SLFN5: variants seen among roughly 807,000 people sequenced by gnomAD.
SLFN5 encodes the protein schlafen family member 5.
In SLFN5, 34 loss-of-function variants were observed where a neutral mutation model predicts 48.5. That is an observed-to-expected ratio of 0.70 (90% CI 0.53 to 0.93). SLFN5 has a LOEUF of 0.93. SLFN5 is among the 40% of genes least tolerant of loss of function. SLFN5 has a pLI of 0.00. For missense variants in SLFN5, 1,006 were observed against 1,071.3 expected (o/e 0.94, Z 0.85); for synonymous variants, 387 against 396.2 (o/e 0.98, Z 0.28).
In SLFN5 at chr17:35,268,853, C is replaced by A. The variant is rs1904765924; in HGVS notation, c.*2965C>A. 2.0e-5 allele frequency: 3 copies of A among 152,278 alleles called. No homozygotes were observed. The highest frequency in any genetic ancestry group is 2.0e-4 in the Admixed American group (3 of 15,290). The allele number at this position is 152,278 out of a possible 1,614,324, so 9.4% of individuals were successfully genotyped here. On this transcript the variant is annotated 3_prime_UTR_variant, in exon 5 of 5. Coordinates refer to ENST00000299977, the MANE Select transcript of SLFN5 (RefSeq NM_144975.4). ...CCCTCTCTGAACTGCAGCCTAGAAA[C>A]TCTCTACAGGCAGTAAGCTGGGGCA...
At position 35,265,123 on chromosome 17, in the gene SLFN5, A is replaced by G; in HGVS notation, c.1911A>G (p.Lys637=). ...CQPVTRKTFM[K]NNFEHIQHII... ...CAGTGACCCGGAAAACCTTCATGAA[A>G]AACAACTTTGAACACATCCAGCACA... The change falls in exon 5 of 5, where the codon AAA becomes AAG. Residue 637 remains lysine (K), a synonymous_variant. Transcript: ENST00000299977. 2 of 1,613,720 alleles carry G rather than the reference A, an allele frequency of 1.2e-6. No individual in the cohort carries two copies. Among genetic ancestry groups the G allele is most frequent in the Non-Finnish European group, 1.7e-6 (2 of 1,179,924 alleles).
rs142790316 is a variant in SLFN5 at position 35,248,302 on chromosome 17, G to A, written c.-41+5159G>A. On this transcript the variant is annotated intron_variant, in intron 1 of 4. Coordinates refer to ENST00000299977, the MANE Select transcript of SLFN5 (RefSeq NM_144975.4). ...ATTTCTCAGGATGAATGGGGCTGCC[G>A]TTTTTTGTTGGTAGGCAGAGGCCTC... Among the ~76,000 whole-genome samples, 149 of 152,262 alleles carry A rather than the reference G, an allele frequency of 9.8e-4. 1 individual carries two copies. In the Middle Eastern group the frequency reaches 0.01, roughly 10 times the overall value.
At chr17:35,259,788 C>T in intron 2 of SLFN5, 86 bp downstream of exon 2, 1 of 1,450,678 alleles carries the variant, frequency 6.9e-7, no homozygotes, top group Non-Finnish European at 9.3e-7. Flanking sequence ...TATGGTATTC[C>T]TTGGAATCTG....
chr17:35,259,392 G>C lies in SLFN5; in HGVS notation c.702G>C (p.Glu234Asp). 2 of 1,614,182 alleles carry C rather than the reference G, an allele frequency of 1.2e-6. No homozygotes were observed. Among genetic ancestry groups the C allele is most frequent in the Admixed American group, 1.7e-5 (1 of 60,022 alleles). The change falls in exon 2 of 5, where the codon GAG becomes GAC. Residue 234 changes from glutamate to aspartate, a missense_variant. Coordinates refer to ENST00000299977, the MANE Select transcript of SLFN5 (RefSeq NM_144975.4). ...ATGTATTTTTTGGTGTGCATGATGAGACTTGTCAAGTGATTGGATGTGAAA... is the reference window on the plus strand; with the variant it reads ...ATGTATTTTTTGGTGTGCATGATGACACTTGTCAAGTGATTGGATGTGAAA... ...GGYVFFGVHD[E>D]TCQVIGCEKE...
intron 4 of SLFN5, 55 bp from the exon 5 acceptor site, chr17:35,265,017 G>A (rs1904633639): frequency 1.6e-5 from 25 of 1,560,502 alleles, no homozygotes; most frequent in Middle Eastern, 3.5e-4. Context: ...GGGTTTAAGA[G>A]TAGAATCTGC....
intron 1 of SLFN5, among the ~76,000 whole-genome samples, chr17:35,245,208 C>G (rs1050517062): frequency 3.9e-5 from 6 of 152,200 alleles, no homozygotes; most frequent in Non-Finnish European, 5.9e-5. Context: ...CATCACTACT[C>G]TGGAGATTTG....
chr17:35,253,307 A>G (rs2142691615), intron 1 of SLFN5, among the ~76,000 whole-genome samples: 1 of 152,212 alleles, frequency 6.6e-6, no homozygotes, highest in Non-Finnish European at 1.5e-5. Flanking sequence ...GGGAGTTGCA[A>G]ACATTCAGAC....
Position 35,266,630 on chromosome 17 carries a change from A to G in SLFN5, c.*742A>G, listed in dbSNP as rs1356020790. 6.6e-6 allele frequency: 1 copy of G among 152,176 alleles called. No homozygotes were observed. The highest frequency in any genetic ancestry group is 2.4e-5 in the African/African-American group (1 of 41,430). 9.4% of individuals were successfully genotyped at this position (152,176 alleles called of 1,614,324 possible). A position where few individuals can be genotyped will look rare whatever the true frequency, so the allele number is the denominator to read the frequency against. On this transcript the variant is annotated 3_prime_UTR_variant, in exon 5 of 5. Transcript: ENST00000299977. Reference sequence around the variant, plus strand: ...GCGTCTTAGGTTACTACATGAAGGTAAGACTGCCACAGTCCCCCAGGGAGG... The same window carrying G: ...GCGTCTTAGGTTACTACATGAAGGTGAGACTGCCACAGTCCCCCAGGGAGG...
chr17:35,260,116 T>G (rs977425966), intron 2 of SLFN5, among the ~76,000 whole-genome samples: 2 of 152,224 alleles, frequency 1.3e-5, no homozygotes, highest in African/African-American at 4.8e-5. Flanking sequence ...TCCTCTGACT[T>G]TCCCTTCTTA....
chr17:35,248,442 TC>T (rs2092435584), intron 1 of SLFN5, among the ~76,000 whole-genome samples: 1 of 152,178 alleles, frequency 6.6e-6, no homozygotes, highest in Admixed American at 6.5e-5. Context: ...AGTAAATGCT[TC>T]TTTTTCTTGT....
In SLFN5 at chr17:35,265,061, G is replaced by A. The variant is rs1904635537; in HGVS notation, c.1860-11G>A. 1 of 1,599,616 alleles carries A rather than the reference G, an allele frequency of 6.3e-7. No homozygotes were observed. The highest frequency in any genetic ancestry group is 1.7e-5 in the Admixed American group (1 of 58,648). ...TTTCATTGGGGAAAAACCTGACTCT[G>A]TTTCTTACAGTTTCAGCAAGAAAAA... On this transcript the variant is annotated splice_polypyrimidine_tract_variant and intron_variant, in intron 4 of 4. Transcript: ENST00000299977.
chr17:35,253,843 G>A (rs978263610), intron 1 of SLFN5, among the ~76,000 whole-genome samples: 2 of 151,756 alleles, frequency 1.3e-5, no homozygotes, highest in Non-Finnish European at 1.5e-5. Context: ...GACTACAGCC[G>A]CATGCCACCT....
rs561755697 is a variant in SLFN5, at chr17:35,253,102, G to C, written c.-40-5549G>C. Reference sequence around the variant, plus strand: ...AAGGTGCTGAGAGATTTGGTATCTGGAGAGGGCCCTCATAGATGGTGCCTT... The same window carrying C: ...AAGGTGCTGAGAGATTTGGTATCTGCAGAGGGCCCTCATAGATGGTGCCTT... On this transcript the variant is annotated intron_variant, in intron 1 of 4. Transcript: ENST00000299977. 3.9e-5 allele frequency among the ~76,000 whole-genome samples: 6 copies of C among 152,152 alleles called. No individual in the cohort carries two copies. The East Asian group carries it at 1.2e-3, about 29-fold the overall frequency.
At position 35,267,039 on chromosome 17, in the gene SLFN5, G is replaced by C. The variant is rs1424103479; in HGVS notation, c.*1151G>C. On this transcript the variant is annotated 3_prime_UTR_variant, in exon 5 of 5. Coordinates refer to ENST00000299977, the MANE Select transcript of SLFN5 (RefSeq NM_144975.4). ...TGTAAGAAGTATGAACTTGAAGCTA[G>C]AATTGGTTTATTTCTGGCAGCTACT... 1.3e-5 allele frequency: 2 copies of C among 152,174 alleles called. No homozygotes were observed. Among genetic ancestry groups the C allele is most frequent in the South Asian group, 2.1e-4 (1 of 4,826 alleles). The allele number at this position is 152,174 out of a possible 1,614,324, so 9.4% of individuals were successfully genotyped here. A position where few individuals can be genotyped will look rare whatever the true frequency, so the allele number is the denominator to read the frequency against.
chr17:35,273,496 T>C lies in SLFN5; in HGVS notation c.*7608T>C, dbSNP rs771528789. 6.6e-6 allele frequency: 1 copy of C among 152,302 alleles called. No homozygotes were observed. Among genetic ancestry groups the C allele is most frequent in the South Asian group, 2.1e-4 (1 of 4,824 alleles). 9.4% of individuals were successfully genotyped at this position (152,302 alleles called of 1,614,324 possible). On this transcript the variant is annotated 3_prime_UTR_variant, in exon 5 of 5. Transcript: ENST00000299977. ...ATATCCTGGGATAAACCCCTCATGA[T>C]CATAATGAATAATGATGTGTGGAGA...
Position 35,270,984 on chromosome 17 carries a change from G to C in SLFN5, c.*5096G>C, listed in dbSNP as rs1904817212. On this transcript the variant is annotated 3_prime_UTR_variant, in exon 5 of 5. Coordinates refer to ENST00000299977, the MANE Select transcript of SLFN5 (RefSeq NM_144975.4). ...CAAAGATTCTTTTTTAATCCTAAAA[G>C]AAAAAGTTTGGAAAATCTACAAAAA... is the stretch of plus-strand genomic sequence containing the variant. 6.6e-6 allele frequency: 1 copy of C among 152,078 alleles called. No homozygotes were observed. The allele number at this position is 152,078 out of a possible 1,614,324, so 9.4% of individuals were successfully genotyped here.
intron 1 of SLFN5, among the ~76,000 whole-genome samples, chr17:35,250,782 C>G (rs905449216): frequency 2.0e-5 from 3 of 152,118 alleles, no homozygotes; most frequent in African/African-American, 7.2e-5. Context: ...TAAAAGGATT[C>G]CATTTTCTTG....
In SLFN5 at chr17:35,264,592, A is replaced by G; in HGVS notation, c.1548A>G (p.Glu516=). 1.9e-6 allele frequency: 3 copies of G among 1,614,172 alleles called. No homozygotes were observed. In the Admixed American group the frequency reaches 5.0e-5, roughly 27 times the overall value. The change falls in exon 4 of 5, where the codon GAA becomes GAG. Residue 516 remains glutamate, a synonymous_variant. Coordinates refer to ENST00000299977, the MANE Select transcript of SLFN5 (RefSeq NM_144975.4). ...GTTCGTATTTACAAATTTACCCTGA[A>G]TCCTATAACTTCATGACCCCCCAGC... The part of the protein sequence containing the change: ...VYSSYLQIYP[E]SYNFMTPQHM...
chr17:35,255,637 A>G (rs1320411614), intron 1 of SLFN5, among the ~76,000 whole-genome samples: 2 of 152,230 alleles, frequency 1.3e-5, no homozygotes, highest in Non-Finnish European at 2.9e-5. Flanking sequence ...TACTTGTATA[A>G]CAGTGCCTGG....
Sources: gnomAD v4.1 joint callset for allele counts (sites outside exome capture counted in the v4.1 genomes callset) on GRCh38, gnomAD v4.1.1 for gene constraint, MANE v1.5 for transcripts, NCBI Gene and HGNC (gene_info 2026-07-23, HGNC 2026-07-21) for gene names.